PCLO: variants seen among roughly 807,000 people sequenced by gnomAD.
PCLO encodes the protein protein piccolo.
Under a neutral mutation model 427.5 loss-of-function variants are expected in PCLO, and 82 were observed. That is an observed-to-expected ratio of 0.19 (90% CI 0.16 to 0.23). The LOEUF (loss-of-function observed/expected upper bound fraction) is 0.23, where lower values mean the gene tolerates loss of function less well. Among genes scored for constraint, PCLO ranks in the 10% least tolerant of loss-of-function variants. The pLI, the probability that PCLO is intolerant of heterozygous loss-of-function variation, is 1.00. For missense variants in PCLO, 6,239 were observed against 6,115.9 expected (o/e 1.02, Z -0.67); for synonymous variants, 2,357 against 2,155.4 (o/e 1.09, Z -2.59).
intron 17 of PCLO, among the ~76,000 whole-genome samples, chr7:82,827,493 G>C (rs1325980747): frequency 6.6e-6 from 1 of 151,924 alleles, no homozygotes; most frequent in African/African-American, 2.4e-5. Flanking sequence ...TCTATGCACT[G>C]AATCTTATTT....
At chr7:82,856,615 A>G (rs1162038837) in intron 10 of PCLO, among the ~76,000 whole-genome samples, 2 of 152,190 alleles carry the variant, frequency 1.3e-5, no homozygotes, top group Admixed American at 6.6e-5. Flanking sequence ...ATGGGGAGTT[A>G]TCCAATAATA....
At chr7:82,809,625 T>C (rs1383019189) in intron 20 of PCLO, among the ~76,000 whole-genome samples, 1 of 114,106 alleles carries the variant, frequency 8.8e-6, no homozygotes, top group African/African-American at 3.1e-5. Context: ...AATACATTAA[T>C]ACTTCTTTCC....
intron 3 of PCLO, among the ~76,000 whole-genome samples, chr7:83,125,164 C>T (rs1382050894): frequency 1.3e-5 from 2 of 152,154 alleles, no homozygotes; most frequent in African/African-American, 2.4e-5. Flanking sequence ...GCAGCCTCTG[C>T]CCGGCCGCCA....
chr7:82,934,445 TA>T (rs1794906012), intron 6 of PCLO, among the ~76,000 whole-genome samples: 1 of 151,936 alleles, frequency 6.6e-6, no homozygotes, highest in African/African-American at 2.4e-5. Flanking sequence ...AACTGTAACA[TA>T]AATTTGATTA....
chr7:83,152,904 C>G (rs1792173336), intron 2 of PCLO, among the ~76,000 whole-genome samples: 1 of 152,050 alleles, frequency 6.6e-6, no homozygotes, highest in African/African-American at 2.4e-5. Context: ...TTATATCTCA[C>G]CAAACATATA....
chr7:83,118,794 G>C (rs1226077759), intron 3 of PCLO, among the ~76,000 whole-genome samples: 3 of 152,026 alleles, frequency 2.0e-5, no homozygotes, highest in Non-Finnish European at 4.4e-5. Context: ...ATTGAAGCTG[G>C]GCTCAAGTAC....
chr7:82,820,737 C>G, intron 20 of PCLO: 1 of 1,231,424 alleles, frequency 8.1e-7, no homozygotes, highest in Non-Finnish European at 1.0e-6. Flanking sequence ...GATCCACATT[C>G]CAACTGGTAG....
intron 3 of PCLO, among the ~76,000 whole-genome samples, chr7:83,038,014 T>TATAA (rs1400687832): frequency 1.6e-4 from 8 of 50,830 alleles, no homozygotes; most frequent in Non-Finnish European, 2.3e-4. Context: ...TATATATATA[T>TATAA]ATATATATAT....
At chr7:82,861,980 T>C (rs1393712225) in intron 10 of PCLO, among the ~76,000 whole-genome samples, 1 of 151,904 alleles carries the variant, frequency 6.6e-6, no homozygotes, top group Non-Finnish European at 1.5e-5. Flanking sequence ...GGGAAGTTTA[T>C]AGCTATAAGT....
chr7:82,974,743 T>C (rs1423010692), intron 3 of PCLO, among the ~76,000 whole-genome samples: 1 of 152,164 alleles, frequency 6.6e-6, no homozygotes, highest in Non-Finnish European at 1.5e-5. Flanking sequence ...CTCATCCCTC[T>C]GCTCTTATAG....
intron 3 of PCLO, among the ~76,000 whole-genome samples, chr7:83,038,596 G>A (rs1299194364): frequency 3.3e-5 from 5 of 151,942 alleles, no homozygotes; most frequent in Admixed American, 1.3e-4. Flanking sequence ...TTCATTGTAT[G>A]AACAGATCAC....
At chr7:82,924,779 A>G (rs1794674971) in intron 6 of PCLO, among the ~76,000 whole-genome samples, 1 of 152,118 alleles carries the variant, frequency 6.6e-6, no homozygotes, top group Non-Finnish European at 1.5e-5. Context: ...AAAATTCAAG[A>G]AACTCCTACT....
At position 82,949,774 on chromosome 7, in the gene PCLO, C is replaced by T. The variant is rs763414257; in HGVS notation, c.10814G>A (p.Arg3605Gln). ...PLEIGYSSHL[R>Q]ADSTVQLAPS... ...AGCCAGCTGTACTGTGGAATCTGCC[C>T]GGAGGTGAGATGAATAACCAATCTC... The change falls in exon 6 of 25, where the codon CGG becomes CAG. Residue 3605 changes from arginine to glutamine, a missense_variant. Physicochemically the swap from Arg to Gln is conservative, Grantham distance 43 (BLOSUM62 1). Around this residue, in one of 5 missense-constraint regions of PCLO, gnomAD observed 4,677 missense variants for 4,468.4 expected, o/e 1.05. Transcript: ENST00000333891. 22 of 1,613,496 alleles carry T rather than the reference C, an allele frequency of 1.4e-5. No homozygotes were observed. The highest frequency in any genetic ancestry group is 8.0e-5 in the African/African-American group (6 of 74,768).
chr7:83,113,288 C>T (rs1179597496), intron 3 of PCLO, among the ~76,000 whole-genome samples: 2 of 152,196 alleles, frequency 1.3e-5, no homozygotes, highest in African/African-American at 4.8e-5. Flanking sequence ...ACCATAGTCA[C>T]CATCTGGACA....
At chr7:83,038,045 A>ATATATATATATATATATATATT in intron 3 of PCLO, among the ~76,000 whole-genome samples, 1 of 35,204 alleles carries the variant, frequency 2.8e-5, no homozygotes, top group Non-Finnish European at 4.3e-5. Context: ...ATATTTATAT[A>ATATATATATATATATATATATT]TATATCTTTA....
At position 83,155,968 on chromosome 7, in the gene PCLO, G is replaced by A; in HGVS notation, c.673C>T (p.Pro225Ser). The A allele has an allele frequency of 6.2e-7, 1 of 1,613,734 alleles. No individual in the cohort carries two copies. The highest frequency in any genetic ancestry group is 1.1e-5 in the South Asian group (1 of 91,072). Residue 225 changes from proline (P) to serine (S), a missense_variant, in exon 2 of 25, where the codon CCT (proline) becomes TCT (serine). Pro to Ser is a moderately conservative substitution (Grantham distance 74). This residue lies in a region of PCLO where 4,677 missense variants were observed against 4,468.4 expected (regional missense o/e 1.05). Coordinates refer to ENST00000333891, the MANE Select transcript of PCLO (RefSeq NM_033026.6). ...PPKPIPKQQG[P>S]GRDPLQQDGT... ...TCCTGCTGAAGCGGATCCCTACCAGGTCCTTGCTGCTTAGGAATCGGCTTG... is the reference window on the plus strand; with the variant it reads ...TCCTGCTGAAGCGGATCCCTACCAGATCCTTGCTGCTTAGGAATCGGCTTG...
At chr7:83,038,923 T>A (rs374151778) in intron 3 of PCLO, among the ~76,000 whole-genome samples, 12 of 152,078 alleles carry the variant, frequency 7.9e-5, no homozygotes, top group African/African-American at 2.9e-4. Context: ...ATTCTAGCCA[T>A]TCTAGTGAGT....
Position 83,162,516 on chromosome 7 carries a change from GCTC to G in PCLO, c.74_76del (p.Gly25del), listed in dbSNP as rs766596173. On this transcript the variant is annotated inframe_deletion, in exon 1 of 25. Coordinates refer to ENST00000333891, the MANE Select transcript of PCLO (RefSeq NM_033026.6). ...GTGAGAGGGGCTCCCCGCCCCGCTAGCTCCTCCTCCAGCCGCTGCGGCCGCCGC... is the reference window on the plus strand; with the variant it reads ...GTGAGAGGGGCTCCCCGCCCCGCTAGCTCCTCCAGCCGCTGCGGCCGCCGC... 4.5e-6 allele frequency: 7 copies of G among 1,560,778 alleles called. No individual in the cohort carries two copies. The highest frequency in any genetic ancestry group is 1.4e-5 in the African/African-American group (1 of 73,456).
intron 3 of PCLO, among the ~76,000 whole-genome samples, chr7:83,045,727 G>A (rs911845590): frequency 2.6e-5 from 4 of 152,060 alleles, no homozygotes; most frequent in African/African-American, 9.7e-5. Flanking sequence ...GAAAAATGAG[G>A]ATGATCTAGA....
Sources: gnomAD v4.1 joint callset for allele counts (sites outside exome capture counted in the v4.1 genomes callset) on GRCh38, gnomAD v4.1.1 for gene constraint, gnomAD v4.1.1 regional missense constraint, MANE v1.5 for transcripts, NCBI Gene and HGNC (gene_info 2026-07-23, HGNC 2026-07-21) for gene names.